The following ZNF148 variants were observed in gnomAD, a reference collection of about 807,000 sequenced individuals.
ZNF148 encodes zinc finger protein 148, also known as Beta-Enolase Repressor Factor-1.
In ZNF148, 7 loss-of-function variants were observed where a neutral mutation model predicts 67.7. The observed-to-expected ratio is 0.10, with a 90% CI of 0.06 to 0.19. The LOEUF is 0.19. Among genes scored for constraint, ZNF148 ranks in the 10% least tolerant of loss-of-function variants. The pLI is 1.00. For missense variants in ZNF148, 583 were observed against 947.1 expected, an observed-to-expected ratio of 0.62 and a Z score of 5.05; for synonymous variants, 333 against 330.7, an observed-to-expected ratio of 1.01 and a Z score of -0.08.
At chr3:125,251,421 T>G (rs941561041) in intron 7 of ZNF148, among the ~76,000 whole-genome samples, 5 of 152,166 alleles carry the variant, frequency 3.3e-5, no homozygotes, top group African/African-American at 1.2e-4. Flanking sequence ...TAAGTGCCGT[T>G]TGAGGAATTT....
At chr3:125,341,463 A>T (rs9853337) in intron 1 of ZNF148, among the ~76,000 whole-genome samples, 10,421 of 152,058 alleles carry the variant, frequency 0.069, 1,186 homozygotes, top group African/African-American at 0.24. Context: ...TACAAAAAAA[A>T]TTTACAAATT....
intron 7 of ZNF148, among the ~76,000 whole-genome samples, chr3:125,267,848 G>C (rs1937569372): frequency 6.6e-6 from 1 of 151,990 alleles, no homozygotes; most frequent in African/African-American, 2.4e-5. Flanking sequence ...CTGCCAAAAG[G>C]CTCCTAGACA....
rs35108764 is a variant in ZNF148 at position 125,252,766 on chromosome 3, CA to C, written c.668-18438del. 5.9e-3 allele frequency among the ~76,000 whole-genome samples: 733 copies of C among 123,830 alleles called. 6 individuals are homozygous for C. Among genetic ancestry groups the C allele is most frequent in the African/African-American group, 0.019 (637 of 33,200 alleles). 81.2% of individuals were successfully genotyped at this position (123,830 alleles called of 152,430 possible). On this transcript the variant is annotated intron_variant, in intron 7 of 8. Transcript: ENST00000360647. ...CTGGCGACAGAGCAAGACTCTGTCT[CA>C]AAAAAAAAAAAAAAAAAACCCACAA...
chr3:125,279,729 G>A (rs751910660), intron 5 of ZNF148, among the ~76,000 whole-genome samples: 3 of 138,964 alleles, frequency 2.2e-5, no homozygotes, highest in African/African-American at 5.6e-5. Flanking sequence ...TATGAAAAGC[G>A]TGTCAGGATT....
intron 1 of ZNF148, among the ~76,000 whole-genome samples, chr3:125,365,275 C>A (rs1014007141): frequency 6.6e-6 from 1 of 152,078 alleles, no homozygotes; most frequent in Non-Finnish European, 1.5e-5. Context: ...TAAAAATATA[C>A]CCTGAACGAA....
chr3:125,355,307 G>C (rs1354701964), intron 1 of ZNF148, among the ~76,000 whole-genome samples: 1 of 152,124 alleles, frequency 6.6e-6, no homozygotes. Context: ...TCAGGGTTTT[G>C]TCAACATCAG....
intron 1 of ZNF148, among the ~76,000 whole-genome samples, chr3:125,372,375 T>A (rs1942918607): frequency 6.6e-6 from 1 of 152,200 alleles, no homozygotes; most frequent in African/African-American, 2.4e-5. Context: ...AAGCATATTA[T>A]TTAAAAATAT....
chr3:125,307,024 C>T (rs866276741), intron 4 of ZNF148, among the ~76,000 whole-genome samples: 2 of 149,382 alleles, frequency 1.3e-5, no homozygotes, highest in African/African-American at 5.0e-5. Context: ...TACAATGAGG[C>T]CAATATACCT....
At position 125,230,000 on chromosome 3, in the gene ZNF148, G is replaced by C. The variant is rs1579569066; in HGVS notation, c.*2341C>G. 2 of 152,528 alleles carry C rather than the reference G, an allele frequency of 1.3e-5. No homozygotes were observed. The highest frequency in any genetic ancestry group is 3.8e-4 in the East Asian group (2 of 5,200). The allele number at this position is 152,528 out of a possible 1,614,324, so 9.4% of individuals were successfully genotyped here. ...ACCTGGTAGAAAAGTCTGCCATTAT[G>C]TAGATTTAAAGAAATGTGTTGAAAA... On this transcript the variant is annotated 3_prime_UTR_variant, in exon 9 of 9. Coordinates refer to ENST00000360647, the MANE Select transcript of ZNF148 (RefSeq NM_021964.3).
At chr3:125,344,633 T>G (rs1941869297) in intron 1 of ZNF148, 1 of 716,168 alleles carries the variant, frequency 1.4e-6, no homozygotes, top group African/African-American at 1.7e-5. Flanking sequence ...TTTAGCATCT[T>G]ACAGCACCTC....
At chr3:125,369,525 T>C (rs1355367079) in intron 1 of ZNF148, among the ~76,000 whole-genome samples, 1 of 151,550 alleles carries the variant, frequency 6.6e-6, no homozygotes, top group Non-Finnish European at 1.5e-5. Context: ...GTAAATTCTA[T>C]AGAATTGTAC....
intron 1 of ZNF148, among the ~76,000 whole-genome samples, chr3:125,340,885 G>T (rs963171675): frequency 2.7e-5 from 4 of 150,074 alleles, no homozygotes; most frequent in African/African-American, 9.8e-5. Context: ...CTACTTGGGA[G>T]GCTGAGGCAG....
chr3:125,230,782 T>C lies in ZNF148; in HGVS notation c.*1559A>G, dbSNP rs1207946940. On this transcript the variant is annotated 3_prime_UTR_variant, in exon 9 of 9. Coordinates refer to ENST00000360647, the MANE Select transcript of ZNF148 (RefSeq NM_021964.3). ...ATTTTAGATTTTCACTGGTGCTATA[T>C]CAGGATGTGCATTGTGACAACGATG... The C allele has an allele frequency of 9.2e-5, 14 of 152,148 alleles. No individual in the cohort carries two copies. The highest frequency in any genetic ancestry group is 9.2e-4 in the Admixed American group (14 of 15,250). 9.4% of individuals were successfully genotyped at this position (152,148 alleles called of 1,614,324 possible).
intron 3 of ZNF148, among the ~76,000 whole-genome samples, chr3:125,318,665 C>T (rs1368790199): frequency 6.6e-6 from 1 of 152,090 alleles, no homozygotes; most frequent in African/African-American, 2.4e-5. Context: ...AAAATGGCAG[C>T]GCTGTTAAGA....
chr3:125,334,086 A>G (rs1465448729), intron 1 of ZNF148, among the ~76,000 whole-genome samples: 1 of 152,224 alleles, frequency 6.6e-6, no homozygotes, highest in Non-Finnish European at 1.5e-5. Context: ...TTTTCTACTA[A>G]TACCAATTTG....
In ZNF148 at chr3:125,230,705, G is replaced by A. The variant is rs560651236; in HGVS notation, c.*1636C>T. ...CAAAGACTGCAGAGCTATAGGGCCA[G>A]TATAAGAGTCAAAATGGAAATTAAG... is the stretch of plus-strand genomic sequence containing the variant. On this transcript the variant is annotated 3_prime_UTR_variant, in exon 9 of 9. Transcript: ENST00000360647. 1 of 152,454 alleles carries A rather than the reference G, an allele frequency of 6.6e-6. No individual in the cohort carries two copies. Among genetic ancestry groups the A allele is most frequent in the South Asian group, 2.1e-4 (1 of 4,824 alleles). 9.4% of individuals were successfully genotyped at this position (152,454 alleles called of 1,614,324 possible). A position where few individuals can be genotyped will look rare whatever the true frequency, so the allele number is the denominator to read the frequency against.
chr3:125,258,113 C>CA (rs1161628848), intron 7 of ZNF148, among the ~76,000 whole-genome samples: 1 of 96,154 alleles, frequency 1.0e-5, no homozygotes, highest in East Asian at 2.5e-4. Context: ...GTGGTAACTG[C>CA]ATTTTTTTTA....
chr3:125,257,799 A>G (rs1579636537), intron 7 of ZNF148, among the ~76,000 whole-genome samples: 1 of 152,144 alleles, frequency 6.6e-6, no homozygotes, highest in East Asian at 1.9e-4. Flanking sequence ...ATATTTGCAG[A>G]AGTATTATAC....
At chr3:125,310,328 T>A (rs1940133624) in intron 4 of ZNF148, among the ~76,000 whole-genome samples, 1 of 151,972 alleles carries the variant, frequency 6.6e-6, no homozygotes, top group African/African-American at 2.4e-5. Context: ...AATCCGCCAC[T>A]TTAGCCTCCC....
Sources: allele counts gnomAD v4.1 joint callset (sites outside exome capture counted in the v4.1 genomes callset), GRCh38; gene constraint gnomAD v4.1.1; transcripts MANE v1.5; gene names NCBI Gene and HGNC (gene_info 2026-07-23, HGNC 2026-07-21).